TSPAN5: variants seen among roughly 807,000 people sequenced by gnomAD.
The protein encoded by TSPAN5 is tetraspanin-5.
Under a neutral mutation model 37.1 loss-of-function variants are expected in TSPAN5, and 10 were observed. That is an observed-to-expected ratio of 0.27 (90% CI 0.17 to 0.46). The LOEUF (loss-of-function observed/expected upper bound fraction) is 0.46. Ranked by LOEUF, TSPAN5 falls within the 20% of genes least tolerant of loss-of-function variation. The pLI, the probability that TSPAN5 is intolerant of heterozygous loss-of-function variation, is 1.00. For synonymous variants in TSPAN5, 110 were observed against 118.9 expected (o/e 0.93, Z 0.48); for missense variants, 195 against 326.6 (o/e 0.60, Z 3.11).
In TSPAN5 at chr4:98,529,246, T is replaced by C. The variant is rs72893035; in HGVS notation, c.82-21518A>G. 4.6e-3 allele frequency among the ~76,000 whole-genome samples: 708 copies of C among 152,356 alleles called. 8 individuals carry two copies. Among genetic ancestry groups the C allele is most frequent in the African/African-American group, 0.017 (687 of 41,590 alleles). Reference sequence around the variant, plus strand: ...GATGCTAACACTTCTAACCGCCTACTACATATCTCCATTTGGTTACTACTC... The same window carrying C: ...GATGCTAACACTTCTAACCGCCTACCACATATCTCCATTTGGTTACTACTC... On this transcript the variant is annotated intron_variant, in intron 1 of 7. Transcript: ENST00000305798.
intron 2 of TSPAN5, among the ~76,000 whole-genome samples, chr4:98,495,899 C>T (rs1254208671): frequency 6.6e-6 from 1 of 152,148 alleles, no homozygotes; most frequent in Non-Finnish European, 1.5e-5. Context: ...TCTGCTTTTG[C>T]ATATACAAGC....
At chr4:98,518,488 A>G (rs1753784905) in intron 1 of TSPAN5, among the ~76,000 whole-genome samples, 1 of 152,232 alleles carries the variant, frequency 6.6e-6, no homozygotes, top group South Asian at 2.1e-4. Flanking sequence ...ATGGGTTGCC[A>G]CAGAAACTAT....
At chr4:98,513,355 G>A (rs992878572) in intron 1 of TSPAN5, among the ~76,000 whole-genome samples, 2 of 152,162 alleles carry the variant, frequency 1.3e-5, no homozygotes, top group Non-Finnish European at 2.9e-5. Context: ...AGGCAGGCAG[G>A]TCTTTGCAGA....
At chr4:98,531,341 T>C (rs887760304) in intron 1 of TSPAN5, among the ~76,000 whole-genome samples, 4 of 152,214 alleles carry the variant, frequency 2.6e-5, no homozygotes, top group Admixed American at 2.6e-4. Flanking sequence ...GTTCTTGTGA[T>C]AGTTTGCTGA....
At chr4:98,578,691 C>A (rs846008) in intron 1 of TSPAN5, among the ~76,000 whole-genome samples, 151,873 of 152,312 alleles carry the variant, frequency 1, 75,721 homozygotes, top group African/African-American at 1. Context: ...AAGTGCTGGG[C>A]TTACAGGCAT....
chr4:98,559,931 G>A (rs183592383), intron 1 of TSPAN5, among the ~76,000 whole-genome samples: 1 of 152,222 alleles, frequency 6.6e-6, no homozygotes, highest in African/African-American at 2.4e-5. Flanking sequence ...CTCCAGAGAT[G>A]TCACTTCCCT....
Position 98,488,709 on chromosome 4 carries a change from C to T in TSPAN5, c.133-1825G>A, listed in dbSNP as rs1347130017. On this transcript the variant is annotated intron_variant, in intron 2 of 7. Transcript: ENST00000305798. ...ACAGAAATACTCAAACCAAATTCTC[C>T]ACCTATACAAATGATGCTGAGAAAA... Among the ~76,000 whole-genome samples, 11 of 152,094 alleles carry T rather than the reference C, an allele frequency of 7.2e-5. 1 individual carries two copies. Among genetic ancestry groups the T allele is most frequent in the Admixed American group, 6.6e-4 (10 of 15,258 alleles).
At chr4:98,560,514 C>T (rs1217580698) in intron 1 of TSPAN5, among the ~76,000 whole-genome samples, 3 of 152,140 alleles carry the variant, frequency 2.0e-5, no homozygotes, top group Non-Finnish European at 2.9e-5. Context: ...AGGCAGGGGG[C>T]GTGTTTTCCT....
chr4:98,508,273 C>T lies in TSPAN5; in HGVS notation c.82-545G>A, dbSNP rs542719574. Reference sequence around the variant, plus strand: ...TCCTAAGTTCTGTTTTCAGAAACTTCGATTGTGTAAATTTTAGTTCAGAGG... The same window carrying T: ...TCCTAAGTTCTGTTTTCAGAAACTTTGATTGTGTAAATTTTAGTTCAGAGG... On this transcript the variant is annotated intron_variant, in intron 1 of 7. Transcript: ENST00000305798. Among the ~76,000 whole-genome samples, 77 of 152,256 alleles carry T rather than the reference C, an allele frequency of 5.1e-4. 1 individual carries two copies. In the South Asian group the frequency reaches 0.014, roughly 28 times the overall value.
chr4:98,637,312 C>T (rs1034712209), intron 1 of TSPAN5, among the ~76,000 whole-genome samples: 11 of 152,102 alleles, frequency 7.2e-5, no homozygotes, highest in African/African-American at 2.7e-4. Context: ...CATGGCGGCC[C>T]TCAGGGATAA....
chr4:98,488,113 C>T (rs1753012677), intron 2 of TSPAN5, among the ~76,000 whole-genome samples: 1 of 152,124 alleles, frequency 6.6e-6, no homozygotes, highest in African/African-American at 2.4e-5. Context: ...TGATTTTATA[C>T]TTGAGGAAAA....
intron 1 of TSPAN5, among the ~76,000 whole-genome samples, chr4:98,604,962 A>T (rs1755970478): frequency 6.6e-6 from 1 of 152,236 alleles, no homozygotes; most frequent in Admixed American, 6.5e-5. Flanking sequence ...TCCAACTGCT[A>T]CCAGGCACTG....
chr4:98,544,653 A>C (rs1031680218), intron 1 of TSPAN5, among the ~76,000 whole-genome samples: 4 of 152,136 alleles, frequency 2.6e-5, no homozygotes, highest in African/African-American at 9.7e-5. Context: ...AGGTGTGCGA[A>C]AGCAGAGGGA....
chr4:98,472,210 C>T lies in TSPAN5; in HGVS notation c.*312G>A, dbSNP rs746928728. Reference sequence around the variant, plus strand: ...GAAGATGAGGACAAGAATGTATTTTCTGCACATTCAAGTACATCTGGGTCC... The same window carrying T: ...GAAGATGAGGACAAGAATGTATTTTTTGCACATTCAAGTACATCTGGGTCC... On this transcript the variant is annotated 3_prime_UTR_variant, in exon 8 of 8. Coordinates refer to ENST00000305798, the MANE Select transcript of TSPAN5 (RefSeq NM_005723.4). 4 of 251,518 alleles carry T rather than the reference C, an allele frequency of 1.6e-5. No homozygotes were observed. In the East Asian group the frequency reaches 3.0e-4, roughly 19 times the overall value. The allele number at this position is 251,518 out of a possible 1,614,324, so 15.6% of individuals were successfully genotyped here. A position where few individuals can be genotyped will look rare whatever the true frequency, so the allele number is the denominator to read the frequency against.
intron 1 of TSPAN5, among the ~76,000 whole-genome samples, chr4:98,519,732 T>C (rs1753811957): frequency 6.6e-6 from 1 of 152,204 alleles, no homozygotes; most frequent in Admixed American, 6.5e-5. Flanking sequence ...CCAAGACAGA[T>C]GTCAGACACT....
In TSPAN5 at chr4:98,524,325, T is replaced by C. The variant is rs570929186; in HGVS notation, c.82-16597A>G. On this transcript the variant is annotated intron_variant, in intron 1 of 7. Coordinates refer to ENST00000305798, the MANE Select transcript of TSPAN5 (RefSeq NM_005723.4). ...AAAGTAAACCGCTGACAGAATATAT[T>C]AGGTTCACATTAATTTACAGTGGTA... Among the ~76,000 whole-genome samples the C allele has an allele frequency of 4.7e-4, 72 of 152,278 alleles. 1 individual carries two copies. In the South Asian group the frequency reaches 0.014, roughly 29 times the overall value.
intron 1 of TSPAN5, among the ~76,000 whole-genome samples, chr4:98,558,479 C>T (rs1350201141): frequency 2.0e-5 from 3 of 152,272 alleles, no homozygotes; most frequent in Non-Finnish European, 2.9e-5. Flanking sequence ...GGAGGGTAAA[C>T]GGCTTGTGCA....
chr4:98,563,194 AAT>A (rs1048508154), intron 1 of TSPAN5, among the ~76,000 whole-genome samples: 1 of 152,110 alleles, frequency 6.6e-6, no homozygotes, highest in Admixed American at 6.5e-5. Context: ...ATCACATAAC[AAT>A]ATGTTTGTTA....
At chr4:98,493,766 C>T (rs1007062961) in intron 2 of TSPAN5, among the ~76,000 whole-genome samples, 25 of 152,124 alleles carry the variant, frequency 1.6e-4, no homozygotes, top group African/African-American at 6.0e-4. Context: ...TCTCCTGCCT[C>T]TGAGGTCTAC....
Sources: allele counts gnomAD v4.1 joint callset (sites outside exome capture counted in the v4.1 genomes callset), GRCh38; gene constraint gnomAD v4.1.1; transcripts MANE v1.5; gene names NCBI Gene and HGNC (gene_info 2026-07-23, HGNC 2026-07-21).